SPATA13: variants seen among roughly 807,000 people sequenced by gnomAD.
SPATA13 encodes the protein spermatogenesis-associated protein 13.
A neutral mutation model predicts 104.0 loss-of-function variants in SPATA13; 50 were observed. That is an observed-to-expected ratio of 0.48 (90% CI 0.38 to 0.61). The LOEUF (loss-of-function observed/expected upper bound fraction) is 0.61, where lower values mean the gene tolerates loss of function less well. Ranked by LOEUF, SPATA13 falls within the 20% of genes least tolerant of loss-of-function variation. The probability of loss-of-function intolerance (pLI) is 0.00; values close to 1 mark genes in which losing one functional copy is unlikely to be tolerated. For missense variants in SPATA13, 1,524 were observed against 1,690.6 expected (o/e 0.90, Z 1.73); for synonymous variants, 606 against 667.5 (o/e 0.91, Z 1.42).
intron 3 of SPATA13, among the ~76,000 whole-genome samples, chr13:24,104,678 A>G (rs1165314161): frequency 1.3e-5 from 2 of 152,240 alleles, no homozygotes; most frequent in African/African-American, 4.8e-5. Flanking sequence ...CTAAGAGTCT[A>G]ATTAATAAGG....
In SPATA13 at chr13:24,305,047, T is replaced by C. The variant is rs1877487644; in HGVS notation, c.*2274T>C. 1 of 152,262 alleles carries C rather than the reference T, an allele frequency of 6.6e-6. No homozygotes were observed. The highest frequency in any genetic ancestry group is 2.4e-5 in the African/African-American group (1 of 41,480). The allele number at this position is 152,262 out of a possible 1,614,324, so 9.4% of individuals were successfully genotyped here. ...GCAATTTTGAACAAATTGTTTTAAA[T>C]GTAATATAAGAGAATTAGTTTAAGG... On this transcript the variant is annotated 3_prime_UTR_variant, in exon 13 of 13. Coordinates refer to ENST00000382108, the MANE Select transcript of SPATA13 (RefSeq NM_001166271.3).
At chr13:24,141,482 C>T in intron 3 of SPATA13, among the ~76,000 whole-genome samples, 1 of 152,196 alleles carries the variant, frequency 6.6e-6, no homozygotes, top group East Asian at 1.9e-4. Flanking sequence ...ACTTACTCCT[C>T]AAAGCCTTCC....
intron 1 of SPATA13, among the ~76,000 whole-genome samples, chr13:23,981,513 A>G (rs1874894887): frequency 6.6e-6 from 1 of 152,228 alleles, no homozygotes; most frequent in Non-Finnish European, 1.5e-5. Flanking sequence ...CGGAAATGCT[A>G]GGAAGCAGTT....
intron 3 of SPATA13, among the ~76,000 whole-genome samples, chr13:24,139,514 G>A (rs113722488): frequency 0.023 from 3,452 of 152,298 alleles, 53 homozygotes; most frequent in Middle Eastern, 0.037. Context: ...ATCTTTGTAG[G>A]TTTATTACCA....
chr13:24,159,856 A>G (rs1368117830), upstream of SPATA13, among the ~76,000 whole-genome samples: 2 of 152,248 alleles, frequency 1.3e-5, no homozygotes, highest in Non-Finnish European at 2.9e-5. Flanking sequence ...TAAATGAATC[A>G]TCTAAAAAAC....
At chr13:24,224,606 C>T (rs908267200) in intron 2 of SPATA13, 24 bp downstream of exon 2, 1 of 1,536,724 alleles carries the variant, frequency 6.5e-7, no homozygotes, top group Non-Finnish European at 8.7e-7. Flanking sequence ...CGAGGTCCCT[C>T]ATGTGGGCGA....
At chr13:24,220,432 T>G (rs1417323165) in intron 1 of SPATA13, among the ~76,000 whole-genome samples, 1 of 152,234 alleles carries the variant, frequency 6.6e-6, no homozygotes, top group Non-Finnish European at 1.5e-5. Flanking sequence ...GAACTGGACT[T>G]GACCTTTTGA....
At position 24,087,430 on chromosome 13, in the gene SPATA13, C is replaced by T. The variant is rs77858804; in HGVS notation, c.-112+69729C>T. Among the ~76,000 whole-genome samples, 786 of 152,244 alleles carry T rather than the reference C, an allele frequency of 5.2e-3. 18 individuals carry two copies. In the East Asian group the frequency reaches 0.071, roughly 14 times the overall value. On this transcript the variant is annotated intron_variant, in intron 3 of 14. Coordinates refer to the SPATA13 transcript ENST00000424834. ...TATGTTTCCTTTTAGTCGAAGACACCGGGAGAAAGTAGATTGTGACCCTTA... is the reference window on the plus strand; with the variant it reads ...TATGTTTCCTTTTAGTCGAAGACACTGGGAGAAAGTAGATTGTGACCCTTA...
chr13:24,008,418 C>T (rs1012336327), intron 2 of SPATA13, among the ~76,000 whole-genome samples: 1 of 152,206 alleles, frequency 6.6e-6, no homozygotes, highest in African/African-American at 2.4e-5. Context: ...CGCTGATGCT[C>T]CATAGCCGGC....
chr13:24,214,897 G>A (rs565464311), intron 1 of SPATA13, among the ~76,000 whole-genome samples: 7 of 152,234 alleles, frequency 4.6e-5, no homozygotes, highest in African/African-American at 1.2e-4. Context: ...TGAACTTCTC[G>A]CAAAAGTCAG....
At chr13:24,073,020 C>G (rs1879220978) in intron 3 of SPATA13, among the ~76,000 whole-genome samples, 4 of 152,022 alleles carry the variant, frequency 2.6e-5, no homozygotes, top group Admixed American at 1.3e-4. Context: ...TAGATCTTGT[C>G]TCTATGAATT....
At chr13:24,237,295 G>A (rs1029557749) in intron 2 of SPATA13, among the ~76,000 whole-genome samples, 2 of 152,112 alleles carry the variant, frequency 1.3e-5, no homozygotes, top group Non-Finnish European at 2.9e-5. Context: ...CCCAGGGGGT[G>A]GAGGTTGCAG....
intron 1 of SPATA13, among the ~76,000 whole-genome samples, chr13:24,185,470 TTA>T (rs1415679381): frequency 6.6e-6 from 1 of 152,178 alleles, no homozygotes; most frequent in Non-Finnish European, 1.5e-5. Flanking sequence ...AACCAAGATT[TTA>T]AATGGCCAAA....
chr13:24,115,320 A>G (rs1172310813), intron 3 of SPATA13, among the ~76,000 whole-genome samples: 1 of 152,148 alleles, frequency 6.6e-6, no homozygotes, highest in Middle Eastern at 3.2e-3. Context: ...AGCAGCTTAC[A>G]ACAGGGTCCC....
chr13:24,177,426 C>T lies in SPATA13; in HGVS notation c.-112+16494C>T, dbSNP rs1230804104. ...CTGCTTTCTGGTTTATAAATGGTGCCTTCTTACTGTGTCTTCATATGGTGA... is the reference window on the plus strand; with the variant it reads ...CTGCTTTCTGGTTTATAAATGGTGCTTTCTTACTGTGTCTTCATATGGTGA... On this transcript the variant is annotated intron_variant, in intron 1 of 12. Transcript: ENST00000382108. Among the ~76,000 whole-genome samples the T allele has an allele frequency of 5.3e-5, 8 of 152,260 alleles. No homozygotes were observed. The East Asian group carries it at 1.5e-3, about 29-fold the overall frequency.
intron 4 of SPATA13, 28 bp downstream of exon 4, chr13:24,251,890 G>T (rs1366482756): frequency 6.2e-7 from 1 of 1,605,824 alleles, no homozygotes; most frequent in Admixed American, 1.7e-5. Context: ...TTTCCTTTCA[G>T]AGCTGCTATG....
intron 4 of SPATA13, chr13:24,270,798 AC>A: frequency 6.2e-7 from 1 of 1,611,896 alleles, no homozygotes; most frequent in Non-Finnish European, 8.5e-7. Context: ...ATGCTTGGGG[AC>A]CGGCTCCTCG....
At chr13:24,104,186 G>A (rs568127765) in intron 3 of SPATA13, among the ~76,000 whole-genome samples, 27 of 152,234 alleles carry the variant, frequency 1.8e-4, no homozygotes, top group African/African-American at 6.3e-4. Context: ...GTAAGGAAAG[G>A]TCACGGTGGG....
At chr13:24,055,542 G>T (rs1300021002) in intron 3 of SPATA13, among the ~76,000 whole-genome samples, 2 of 152,138 alleles carry the variant, frequency 1.3e-5, no homozygotes, top group Admixed American at 1.3e-4. Context: ...TGCATTCACT[G>T]AGAAACCATG....
Sources: allele counts gnomAD v4.1 joint callset (sites outside exome capture counted in the v4.1 genomes callset), GRCh38; gene constraint gnomAD v4.1.1; transcripts MANE v1.5; gene names NCBI Gene and HGNC (gene_info 2026-07-23, HGNC 2026-07-21).